Variants in NOSIP observed in about 807,000 individuals in gnomAD.
NOSIP encodes nitric oxide synthase-interacting protein.
In NOSIP, 25 loss-of-function variants were observed where a neutral mutation model predicts 36.4. The ratio of observed to expected loss-of-function variants is 0.69; its 90% CI spans 0.50 to 0.96. NOSIP has a LOEUF of 0.96. Among genes scored for constraint, NOSIP ranks in the 40% least tolerant of loss-of-function variants. NOSIP has a pLI of 0.00. For synonymous variants in NOSIP, 187 were observed against 179.2 expected, an observed-to-expected ratio of 1.04 and a Z score of -0.35; for missense variants, 370 against 429.0, an observed-to-expected ratio of 0.86 and a Z score of 1.21.
chr19:49,578,388 T>C (rs1490473890), intron 1 of NOSIP, among the ~76,000 whole-genome samples: 6 of 152,126 alleles, frequency 3.9e-5, no homozygotes. Context: ...CCTCCCAAAG[T>C]GCAAGGATTA....
rs780566627 is a variant in NOSIP at position 49,556,539 on chromosome 19, G to GCTC, written c.725+9_725+10insGAG. The GCTC allele has an allele frequency of 1.9e-6, 3 of 1,603,880 alleles. No individual in the cohort carries two copies. Among genetic ancestry groups the GCTC allele is most frequent in the Non-Finnish European group, 2.5e-6 (3 of 1,177,116 alleles). ...GAGTGGTCCCTTCCCTCCCCTCCCAGGTGACTCACGAGGGCCGCAGCACAG... is the reference window on the plus strand; with the variant it reads ...GAGTGGTCCCTTCCCTCCCCTCCCAGCTCGTGACTCACGAGGGCCGCAGCACAG... On this transcript the variant is annotated intron_variant, in intron 7 of 8. Coordinates refer to ENST00000596358, the MANE Select transcript of NOSIP (RefSeq NM_001270960.2).
At chr19:49,559,691 C>T (rs2080305191) in intron 3 of NOSIP, 1 of 527,038 alleles carries the variant, frequency 1.9e-6, no homozygotes, top group Non-Finnish European at 3.4e-6. Context: ...CTCCGATGGC[C>T]TCGGCAATGC....
intron 1 of NOSIP, among the ~76,000 whole-genome samples, chr19:49,575,118 C>T (rs143317407): frequency 0.092 from 13,961 of 152,150 alleles, 1,600 homozygotes; most frequent in African/African-American, 0.26. Context: ...CCACCTCGGC[C>T]TCCCAAAGTG....
intron 1 of NOSIP, among the ~76,000 whole-genome samples, chr19:49,577,559 AAAG>A (rs756382131): frequency 3.3e-5 from 5 of 152,002 alleles, no homozygotes; most frequent in South Asian, 2.1e-4. Context: ...AAAAAAAAGA[AAAG>A]AAGTATATCT....
At chr19:49,573,527 A>G (rs2080513046) in intron 1 of NOSIP, among the ~76,000 whole-genome samples, 1 of 152,154 alleles carries the variant, frequency 6.6e-6, no homozygotes, top group Admixed American at 6.6e-5. Context: ...CAGAGATGTC[A>G]TGATAGAATC....
chr19:49,564,453 C>CAAAAAAAAA (rs1011453088), intron 1 of NOSIP, among the ~76,000 whole-genome samples: 65 of 42,514 alleles, frequency 1.5e-3, no homozygotes, highest in East Asian at 4.7e-3. Flanking sequence ...GACTCCATCT[C>CAAAAAAAAA]AAAAAAAAAA....
chr19:49,566,316 G>T (rs111261691), intron 1 of NOSIP, among the ~76,000 whole-genome samples: 1 of 151,912 alleles, frequency 6.6e-6, no homozygotes, highest in African/African-American at 2.4e-5. Context: ...CACTGCGCCC[G>T]GCCTTTTCTT....
At position 49,560,067 on chromosome 19, in the gene NOSIP, G is replaced by A; in HGVS notation, c.71-28C>T. 6.7e-7 allele frequency: 1 copy of A among 1,493,930 alleles called. No individual in the cohort carries two copies. Among genetic ancestry groups the A allele is most frequent in the Non-Finnish European group, 9.3e-7 (1 of 1,075,884 alleles). 92.5% of individuals were successfully genotyped at this position (1,493,930 alleles called of 1,614,324 possible). A position where few individuals can be genotyped will look rare whatever the true frequency, so the allele number is the denominator to read the frequency against. On this transcript the variant is annotated intron_variant, in intron 2 of 8. Transcript: ENST00000596358. The surrounding 1 kb of genome is among the most constrained non-coding windows in gnomAD (Gnocchi z 4.6). ...GGGGACAGAGATGGGCAGAGTGATGGAGGGGCGGAGCAACAGGAGACATGT... is the reference window on the plus strand; with the variant it reads ...GGGGACAGAGATGGGCAGAGTGATGAAGGGGCGGAGCAACAGGAGACATGT...
chr19:49,563,406 ACTCAAGTGAACTCCTGGC>A (rs1465930658), intron 1 of NOSIP, among the ~76,000 whole-genome samples: 4 of 151,590 alleles, frequency 2.6e-5, no homozygotes, highest in African/African-American at 9.7e-5. Flanking sequence ...GAACTCCTGG[ACTCAAGTGAACTCCTGGC>A]CTCCCAAAGT....
chr19:49,556,754 A>G lies in NOSIP; in HGVS notation c.538-18T>C. ...GTGCGGGACTGCAAGGGGCAGAGAG[A>G]GGCGGGCTCAGTAGGCAGGGCTGGC... On this transcript the variant is annotated intron_variant, in intron 6 of 8. Transcript: ENST00000596358. The G allele has an allele frequency of 6.3e-7, 1 of 1,585,844 alleles. No homozygotes were observed. The highest frequency in any genetic ancestry group is 8.6e-7 in the Non-Finnish European group (1 of 1,165,120).
intron 1 of NOSIP, among the ~76,000 whole-genome samples, chr19:49,561,003 G>T (rs1381848308): frequency 1.3e-5 from 2 of 152,164 alleles, no homozygotes; most frequent in African/African-American, 4.8e-5. Context: ...TAGGGTGGTG[G>T]CTGTGCCATT....
chr19:49,561,903 C>T (rs1568404127), intron 1 of NOSIP, among the ~76,000 whole-genome samples: 1 of 150,212 alleles, frequency 6.7e-6, no homozygotes. Flanking sequence ...AAAAAAAAGA[C>T]ATTGCCTAAG....
At position 49,575,011 on chromosome 19, in the gene NOSIP, C is replaced by T. The variant is rs558982818; in HGVS notation, c.-2+5504G>A. 7.9e-5 allele frequency among the ~76,000 whole-genome samples: 12 copies of T among 152,088 alleles called. No homozygotes were observed. The East Asian group carries it at 2.3e-3, about 29-fold the overall frequency. On this transcript the variant is annotated intron_variant, in intron 1 of 8. Coordinates refer to ENST00000596358, the MANE Select transcript of NOSIP (RefSeq NM_001270960.2). Reference sequence around the variant, plus strand: ...CCGAGTAGCTGGGACTACAGGCGCCCGCCACCATGCCCGGCTAATTTTTTT... The same window carrying T: ...CCGAGTAGCTGGGACTACAGGCGCCTGCCACCATGCCCGGCTAATTTTTTT...
Position 49,555,840 on chromosome 19 carries a change from A to G in NOSIP, c.835-18T>C, listed in dbSNP as rs2080229749. The G allele has an allele frequency of 6.2e-7, 1 of 1,608,196 alleles. No homozygotes were observed. The highest frequency in any genetic ancestry group is 2.2e-5 in the East Asian group (1 of 44,682). On this transcript the variant is annotated intron_variant, in intron 8 of 8. Transcript: ENST00000596358. Reference sequence around the variant, plus strand: ...GTACCGCCCTGGGGGAGGTAGAGAGAAGGACGAGGTAGAGGCCGGCCCGGG... The same window carrying G: ...GTACCGCCCTGGGGGAGGTAGAGAGGAGGACGAGGTAGAGGCCGGCCCGGG...
intron 1 of NOSIP, among the ~76,000 whole-genome samples, chr19:49,566,943 G>A (rs2080417146): frequency 6.6e-6 from 1 of 150,460 alleles, no homozygotes; most frequent in Non-Finnish European, 1.5e-5. Flanking sequence ...AGCCTCCTGA[G>A]TAGCTGGGAT....
At chr19:49,567,132 T>C (rs1420856300) in intron 1 of NOSIP, among the ~76,000 whole-genome samples, 1 of 147,844 alleles carries the variant, frequency 6.8e-6, no homozygotes, top group Non-Finnish European at 1.5e-5. Flanking sequence ...CTTTTTTTTT[T>C]TTTTTTTTGA....
chr19:49,564,038 T>G (rs560969411), intron 1 of NOSIP, among the ~76,000 whole-genome samples: 7 of 152,148 alleles, frequency 4.6e-5, no homozygotes, highest in Admixed American at 2.0e-4. Context: ...CCTTTCTGAT[T>G]CTCATTCTCT....
Position 49,560,445 on chromosome 19 carries a change from T to G in NOSIP, c.70+177A>C. On this transcript the variant is annotated intron_variant, in intron 2 of 8. Transcript: ENST00000596358. The surrounding 1 kb of genome is among the most constrained non-coding windows in gnomAD (Gnocchi z 4.6). ...CATGCGCAGAAGGCAGAGAACACAG[T>G]GCCGGGCCACATGGGGTCATGGGAT... 1 of 625,272 alleles carries G rather than the reference T, an allele frequency of 1.6e-6. No homozygotes were observed. Among genetic ancestry groups the G allele is most frequent in the African/African-American group, 1.8e-5 (1 of 55,366 alleles). 38.7% of individuals were successfully genotyped at this position (625,272 alleles called of 1,614,324 possible).
chr19:49,570,273 C>T (rs2080467932), intron 1 of NOSIP, among the ~76,000 whole-genome samples: 1 of 152,062 alleles, frequency 6.6e-6, no homozygotes, highest in South Asian at 2.1e-4. Context: ...ATGTAAAAAG[C>T]AACTTCATCT....
Sources: gnomAD v4.1 joint callset for allele counts (sites outside exome capture counted in the v4.1 genomes callset) on GRCh38, gnomAD v4.1.1 for gene constraint, Gnocchi (gnomAD v3.1) non-coding constraint, MANE v1.5 for transcripts, NCBI Gene and HGNC (gene_info 2026-07-23, HGNC 2026-07-21) for gene names.